BAHCC1: variants seen among roughly 807,000 people sequenced by gnomAD.
BAHCC1 encodes BAH domain and coiled-coil containing 1.
Under a neutral mutation model 88.2 loss-of-function variants are expected in BAHCC1, and 43 were observed. That is an observed-to-expected ratio of 0.49 (90% CI 0.38 to 0.63). The LOEUF (loss-of-function observed/expected upper bound fraction) is 0.63. Ranked by LOEUF, BAHCC1 falls within the 20% of genes least tolerant of loss-of-function variation. The pLI, the probability that BAHCC1 is intolerant of heterozygous loss-of-function variation, is 0.00. For synonymous variants in BAHCC1, 1,510 were observed against 745.5 expected, an observed-to-expected ratio of 2.03 and a Z score of -16.71; for missense variants, 3,023 against 1,654.8, an observed-to-expected ratio of 1.83 and a Z score of -14.34.
chr17:81,438,578 GC>G, intron 4 of BAHCC1, 86 bp downstream of exon 4: 1 of 704,908 alleles, frequency 1.4e-6, no homozygotes, highest in South Asian at 1.5e-5. Context: ...CAAGGGAAAG[GC>G]CAGCCTAGGT....
rs200231057 is a variant in BAHCC1, at chr17:81,443,835, G to A, written c.2242G>A (p.Ala748Thr). Residue 748 changes from alanine (A) to threonine (T), a missense_variant, in exon 6 of 28, where the codon GCG becomes ACG. Transcript: ENST00000675386. ...TGGCGGTGGGCCCCGTTCCACACAC[G>A]CGCTGGACCTGGAGGCTGAGGAGGA... ...KGGGGPRSTH[A>T]LDLEAEEERT... The A allele has an allele frequency of 1.4e-4, 97 of 713,034 alleles. 2 individuals are homozygous for A. Among genetic ancestry groups the A allele is most frequent in the South Asian group, 3.7e-4 (25 of 67,576 alleles). The allele number at this position is 713,034 out of a possible 1,614,324, so 44.2% of individuals were successfully genotyped here.
chr17:81,414,254 C>T (rs187300671), intron 2 of BAHCC1, among the ~76,000 whole-genome samples: 3 of 152,356 alleles, frequency 2.0e-5, no homozygotes, highest in Non-Finnish European at 2.9e-5. Flanking sequence ...CCTCCTTCAG[C>T]GAGGGCCAAT....
chr17:81,435,147 C>T lies in BAHCC1; in HGVS notation c.359-3223C>T, dbSNP rs1244681334. On this transcript the variant is annotated intron_variant, in intron 3 of 27. Transcript: ENST00000675386. The surrounding 1 kb of genome is among the most constrained non-coding windows in gnomAD (Gnocchi z 4.4). ...CCACTCTCTCTCCTCCTGCCCACAC[C>T]ACAGGCCTCCTACCTGCAACCCTTG... Among the ~76,000 whole-genome samples, 3 of 152,122 alleles carry T rather than the reference C, an allele frequency of 2.0e-5. No homozygotes were observed. Among genetic ancestry groups the T allele is most frequent in the Admixed American group, 1.3e-4 (2 of 15,282 alleles).
intron 2 of BAHCC1, among the ~76,000 whole-genome samples, chr17:81,405,499 G>A (rs1353777117): frequency 6.6e-6 from 1 of 152,018 alleles, no homozygotes; most frequent in Non-Finnish European, 1.5e-5. Flanking sequence ...AACTCAATCT[G>A]CCTCCCCCGC....
At chr17:81,417,257 C>T (rs543023584) in intron 2 of BAHCC1, among the ~76,000 whole-genome samples, 1 of 152,188 alleles carries the variant, frequency 6.6e-6, no homozygotes, top group Non-Finnish European at 1.5e-5. Context: ...GGAGACTCAT[C>T]CAGCTGCGGG....
chr17:81,416,475 G>GTCCA (rs1555648743), intron 2 of BAHCC1, among the ~76,000 whole-genome samples: 15 of 149,028 alleles, frequency 1.0e-4, no homozygotes, highest in African/African-American at 1.7e-4. Context: ...GTGTGTGTGT[G>GTCCA]TGTGTCCATG....
At chr17:81,445,927 C>A (rs1353837010) in intron 10 of BAHCC1, among the ~76,000 whole-genome samples, 1 of 152,256 alleles carries the variant, frequency 6.6e-6, no homozygotes, top group Admixed American at 6.5e-5. Context: ...GGGAGGAAGA[C>A]GGGGTCCCGC....
In BAHCC1 at chr17:81,458,898, A is replaced by G. The variant is rs1227177859; in HGVS notation, c.5534A>G (p.Glu1845Gly). The change falls in exon 20 of 28, where the codon GAA becomes GGA. Residue 1845 changes from glutamate to glycine, a missense_variant. By Grantham distance (98) the Glu-to-Gly change is moderately conservative. Transcript: ENST00000675386. Reference sequence around the variant, plus strand: ...TTCGACGACAACAGCAGCTTCTCGGAAGAGGAGGAGGACGAGGAGGAAGAG... The same window carrying G: ...TTCGACGACAACAGCAGCTTCTCGGGAGAGGAGGAGGACGAGGAGGAAGAG... Reference protein sequence around the residue: ...FEFDDNSSFSEEEEDEEEEEE... With the variant: ...FEFDDNSSFSGEEEDEEEEEE... The G allele has an allele frequency of 1.3e-6, 1 of 774,194 alleles. No homozygotes were observed. The allele number at this position is 774,194 out of a possible 1,614,324, so 48.0% of individuals were successfully genotyped here.
At chr17:81,460,741 G>T (rs1555658991) in intron 25 of BAHCC1, 35 bp downstream of exon 25, 2 of 776,860 alleles carry the variant, frequency 2.6e-6, no homozygotes, top group Admixed American at 1.7e-5. Context: ...CCGGATCGGG[G>T]AAGGCACCCT....
In BAHCC1 at chr17:81,429,446, C is replaced by T. The variant is rs890333612; in HGVS notation, c.358+2467C>T. On this transcript the variant is annotated intron_variant, in intron 3 of 27. Transcript: ENST00000675386. ...CCCGACAGACCACATGGAGCTGCCG[C>T]GCTGTGAGCTGAGCGGCAGAGGCCA... 1.2e-4 allele frequency among the ~76,000 whole-genome samples: 19 copies of T among 152,356 alleles called. No individual in the cohort carries two copies. In the East Asian group the frequency reaches 2.5e-3, roughly 20 times the overall value.
intron 26 of BAHCC1, among the ~76,000 whole-genome samples, chr17:81,462,343 G>A (rs782265373): frequency 3.3e-5 from 5 of 152,244 alleles, no homozygotes; most frequent in Admixed American, 6.5e-5. Flanking sequence ...GATAAGTGGC[G>A]TGGCCAGCTG....
At chr17:81,397,736 G>A (rs552431984) in intron 1 of BAHCC1, among the ~76,000 whole-genome samples, 1 of 152,338 alleles carries the variant, frequency 6.6e-6, no homozygotes, top group East Asian at 1.9e-4. Context: ...CCGGGATCGG[G>A]GCTTGGGAGC....
rs782455039 is a variant in BAHCC1, at chr17:81,459,371, C to T, written c.5796+43C>T. 8 of 767,212 alleles carry T rather than the reference C, an allele frequency of 1.0e-5. No individual in the cohort carries two copies. In the South Asian group the frequency reaches 1.1e-4, roughly 10 times the overall value. 47.5% of individuals were successfully genotyped at this position (767,212 alleles called of 1,614,324 possible). A position where few individuals can be genotyped will look rare whatever the true frequency, so the allele number is the denominator to read the frequency against. Reference sequence around the variant, plus strand: ...CCGCCCCGGGGAGGGGCCTGGCTGGCTTGTCCCAGGACAAAGGAAGGCCTT... The same window carrying T: ...CCGCCCCGGGGAGGGGCCTGGCTGGTTTGTCCCAGGACAAAGGAAGGCCTT... On this transcript the variant is annotated intron_variant, in intron 22 of 27. Coordinates refer to ENST00000675386, the MANE Select transcript of BAHCC1 (RefSeq NM_001377448.1).
At chr17:81,406,935 A>C (rs1555647018) in intron 2 of BAHCC1, 1 of 456,254 alleles carries the variant, frequency 2.2e-6, no homozygotes, top group Admixed American at 2.3e-5. Context: ...ATCAGCCAGG[A>C]AGTGGGTTTT....
intron 2 of BAHCC1, among the ~76,000 whole-genome samples, chr17:81,410,658 G>A (rs2063938723): frequency 6.6e-6 from 1 of 152,204 alleles, no homozygotes; most frequent in Non-Finnish European, 1.5e-5. Context: ...GGACCCCCAG[G>A]TGGGGCCCAG....
At chr17:81,455,482 C>A in intron 15 of BAHCC1, 92 bp downstream of exon 15, 1 of 655,238 alleles carries the variant, frequency 1.5e-6, no homozygotes, top group South Asian at 1.7e-5. Context: ...AGCCCTGTGC[C>A]GAAACCCATT....
Position 81,446,115 on chromosome 17 carries a change from G to A in BAHCC1, c.3163+434G>A, listed in dbSNP as rs373853971. Reference sequence around the variant, plus strand: ...GTGGGGGGGTCTCGGGCCTGGCCTCGGCCCCTGCCACCCGCCCATCCACTC... The same window carrying A: ...GTGGGGGGGTCTCGGGCCTGGCCTCAGCCCCTGCCACCCGCCCATCCACTC... On this transcript the variant is annotated intron_variant, in intron 10 of 27. Transcript: ENST00000675386. Among the ~76,000 whole-genome samples the A allele has an allele frequency of 2.6e-5, 4 of 151,654 alleles. No homozygotes were observed. The South Asian group carries it at 8.3e-4, about 32-fold the overall frequency.
rs200684776 is a variant in BAHCC1 at position 81,458,416 on chromosome 17, C to T, written c.5293C>T (p.Arg1765Cys). ...GGAGGGCAGCCAGCTGGCCAGTGAG[C>T]GCCTCAAGAGGGCCACGCGCAAGGG... ...REEGSQLASE[R>C]LKRATRKGTV... The change falls in exon 18 of 28, where the codon CGC becomes TGC. Residue 1765 changes from arginine to cysteine, a missense_variant. Physicochemically the swap from Arg to Cys is radical, Grantham distance 180 (BLOSUM62 -3). Transcript: ENST00000675386. 4.5e-4 allele frequency: 338 copies of T among 743,430 alleles called. 2 individuals carry two copies. Among genetic ancestry groups the T allele is most frequent in the Admixed American group, 4.4e-4 (24 of 54,946 alleles). 46.1% of individuals were successfully genotyped at this position (743,430 alleles called of 1,614,324 possible). A position where few individuals can be genotyped will look rare whatever the true frequency, so the allele number is the denominator to read the frequency against.
Position 81,416,074 on chromosome 17 carries a change from A to G in BAHCC1, c.179-10726A>G, listed in dbSNP as rs375092057. ...CGTGTGTGTCCATGAGGATGGGTGT[A>G]TGTGCGTGTGTGCGTGTGTGTCCAT... On this transcript the variant is annotated intron_variant, in intron 2 of 27. Transcript: ENST00000675386. Among the ~76,000 whole-genome samples, 83 of 95,956 alleles carry G rather than the reference A, an allele frequency of 8.6e-4. No individual in the cohort carries two copies. In the South Asian group the frequency reaches 0.024, roughly 28 times the overall value. The allele number at this position is 95,956 out of a possible 152,430, so 63.0% of individuals were successfully genotyped here.
Sources: allele counts gnomAD v4.1 joint callset (sites outside exome capture counted in the v4.1 genomes callset), GRCh38; gene constraint gnomAD v4.1.1; non-coding constraint Gnocchi (gnomAD v3.1); transcripts MANE v1.5; gene names NCBI Gene and HGNC (gene_info 2026-07-23, HGNC 2026-07-21).